Variants in B3GNT2 observed in about 807,000 individuals in gnomAD.
The protein encoded by B3GNT2 is N-acetyllactosaminide beta-1,3-N-acetylglucosaminyltransferase 2.
A neutral mutation model predicts 27.6 loss-of-function variants in B3GNT2; 12 were observed. The ratio of observed to expected loss-of-function variants is 0.44; its 90% CI spans 0.28 to 0.71. The LOEUF is 0.71. Among genes scored for constraint, B3GNT2 ranks in the 30% least tolerant of loss-of-function variants. B3GNT2 has a pLI of 0.17. For missense variants in B3GNT2, 413 were observed against 488.5 expected (o/e 0.85, Z 1.46); for synonymous variants, 192 against 189.7 (o/e 1.01, Z -0.10).
Position 62,222,102 on chromosome 2 carries a change from G to A in B3GNT2, c.-9-110G>A, listed in dbSNP as rs944735338. 6 of 977,356 alleles carry A rather than the reference G, an allele frequency of 6.1e-6. No homozygotes were observed. The Middle Eastern group carries it at 1.2e-3, about 196-fold the overall frequency. 60.5% of individuals were successfully genotyped at this position (977,356 alleles called of 1,614,324 possible). ...AGATTTGAACCTAGGCAGTGCAAGT[G>A]TAGAGTCTTTGCTGTAAACCACTAT... On this transcript the variant is annotated intron_variant, in intron 1 of 1. Transcript: ENST00000301998. This position sits in a 1 kb window ranked among gnomAD's most constrained non-coding sequence, Gnocchi z 4.2.
chr2:62,214,252 G>A (rs1184134639), intron 1 of B3GNT2, among the ~76,000 whole-genome samples: 1 of 152,230 alleles, frequency 6.6e-6, no homozygotes, highest in Admixed American at 6.5e-5. Context: ...CAGGGAGGGT[G>A]TGTCCAGGGG....
chr2:62,222,776 C>T lies in B3GNT2; in HGVS notation c.556C>T (p.Pro186Ser), dbSNP rs1473509764. ...VVRVFLLGQT[P>S]PEDNHPDLSD... is the part of the protein sequence containing the mutation. ...GCGAGTCTTCCTGCTGGGCCAGACACCCCCAGAGGACAACCACCCCGACCT... is the reference window on the plus strand; with the variant it reads ...GCGAGTCTTCCTGCTGGGCCAGACATCCCCAGAGGACAACCACCCCGACCT... The change falls in exon 2 of 2, where the codon CCC becomes TCC. Residue 186 changes from proline (P) to serine (S), a missense_variant. By Grantham distance (74) the Pro-to-Ser change is moderately conservative (BLOSUM62 -1). Transcript: ENST00000301998. The surrounding 1 kb of genome is among the most constrained non-coding windows in gnomAD (Gnocchi z 4.2). The T allele has an allele frequency of 1.2e-6, 2 of 1,614,156 alleles. No homozygotes were observed. Among genetic ancestry groups the T allele is most frequent in the South Asian group, 2.2e-5 (2 of 91,080 alleles).
intron 1 of B3GNT2, among the ~76,000 whole-genome samples, chr2:62,213,528 C>T (rs1006250305): frequency 6.6e-6 from 1 of 152,104 alleles, no homozygotes; most frequent in Admixed American, 6.5e-5. Flanking sequence ...CACCTGGAAG[C>T]ACTGCTCAAT....
In B3GNT2 at chr2:62,223,563, G is replaced by A. The variant is rs1674765805; in HGVS notation, c.*149G>A. On this transcript the variant is annotated 3_prime_UTR_variant, in exon 2 of 2. Transcript: ENST00000301998. ...GAGGGCCTCTAAACCCTTCAATTTG[G>A]TACTCACGTGAAGAGGGAAAGCGGA... 3.0e-6 allele frequency: 2 copies of A among 663,138 alleles called. No homozygotes were observed. The highest frequency in any genetic ancestry group is 2.1e-5 in the South Asian group (1 of 46,874). The allele number at this position is 663,138 out of a possible 1,614,324, so 41.1% of individuals were successfully genotyped here.
At chr2:62,202,675 G>A (rs890506154) in intron 1 of B3GNT2, among the ~76,000 whole-genome samples, 1 of 152,206 alleles carries the variant, frequency 6.6e-6, no homozygotes, top group Non-Finnish European at 1.5e-5. Flanking sequence ...CAGTCCCTGC[G>A]TTCTCTGCTT....
chr2:62,201,740 C>G (rs570149809), intron 1 of B3GNT2, among the ~76,000 whole-genome samples: 16 of 152,266 alleles, frequency 1.1e-4, no homozygotes, highest in Non-Finnish European at 2.1e-4. Flanking sequence ...TCCACCCTCT[C>G]TCACCACTAT....
chr2:62,204,834 A>G (rs931695829), intron 1 of B3GNT2, among the ~76,000 whole-genome samples: 5 of 152,330 alleles, frequency 3.3e-5, no homozygotes, highest in African/African-American at 1.2e-4. Flanking sequence ...GGAAATTTTC[A>G]AACAAGTGCA....
chr2:62,222,595 C>T lies in B3GNT2; in HGVS notation c.375C>T (p.Cys125=), dbSNP rs772113870. The change falls in exon 2 of 2, where the codon TGC becomes TGT. Residue 125 remains cysteine (C), a synonymous_variant. Transcript: ENST00000301998. This position sits in a 1 kb window ranked among gnomAD's most constrained non-coding sequence, Gnocchi z 4.2. ...RFKDFLLYLR[C]RNYSLLIDQP... ...AAGACTTTCTGCTGTATTTGAGATG[C>T]CGCAATTATTCACTGCTTATAGATC... 1 of 1,614,222 alleles carries T rather than the reference C, an allele frequency of 6.2e-7. No homozygotes were observed. The highest frequency in any genetic ancestry group is 8.5e-7 in the Non-Finnish European group (1 of 1,180,044).
At chr2:62,220,533 C>T (rs969225905) in intron 1 of B3GNT2, among the ~76,000 whole-genome samples, 6 of 152,176 alleles carry the variant, frequency 3.9e-5, no homozygotes, top group Non-Finnish European at 8.8e-5. Context: ...AAAATCCTCT[C>T]CTTTCAAAAA....
intron 1 of B3GNT2, among the ~76,000 whole-genome samples, chr2:62,202,601 G>C (rs1019511287): frequency 8.5e-5 from 13 of 152,148 alleles, no homozygotes; most frequent in African/African-American, 2.9e-4. Context: ...TTATGGCCAG[G>C]CTTGCATTGA....
intron 1 of B3GNT2, chr2:62,205,820 G>A (rs576479258): frequency 1.4e-4 from 21 of 154,028 alleles, no homozygotes; most frequent in African/African-American, 5.0e-4. Context: ...CTGAGGGACA[G>A]GCTGCTTAGT....
chr2:62,218,205 C>G (rs1674613320), intron 1 of B3GNT2, among the ~76,000 whole-genome samples: 1 of 152,162 alleles, frequency 6.6e-6, no homozygotes, highest in Non-Finnish European at 1.5e-5. Flanking sequence ...TTATGGGGGT[C>G]ACTGCTTTAT....
At chr2:62,213,231 G>A (rs1055848897) in intron 1 of B3GNT2, among the ~76,000 whole-genome samples, 1 of 152,228 alleles carries the variant, frequency 6.6e-6, no homozygotes, top group Non-Finnish European at 1.5e-5. Context: ...TTGGGCCTGG[G>A]AGGTTGAGGC....
intron 1 of B3GNT2, among the ~76,000 whole-genome samples, chr2:62,205,171 G>C (rs72803363): frequency 6.6e-6 from 1 of 152,214 alleles, no homozygotes; most frequent in Non-Finnish European, 1.5e-5. Context: ...GCAGAGACTC[G>C]TTTAAAACTG....
intron 1 of B3GNT2, among the ~76,000 whole-genome samples, chr2:62,216,493 T>A (rs755002775): frequency 5.9e-5 from 9 of 151,896 alleles, no homozygotes; most frequent in Non-Finnish European, 1.3e-4. Context: ...GCTGCCTGGA[T>A]CTTCTGGGTT....
chr2:62,200,535 A>G (rs1338789181), intron 1 of B3GNT2, among the ~76,000 whole-genome samples: 2 of 152,370 alleles, frequency 1.3e-5, no homozygotes, highest in African/African-American at 2.4e-5. Flanking sequence ...GGTTAAGAGC[A>G]TAAACTTGGA....
At chr2:62,196,682 C>T (rs1242099680) in intron 1 of B3GNT2, among the ~76,000 whole-genome samples, 1 of 152,246 alleles carries the variant, frequency 6.6e-6, no homozygotes, top group Non-Finnish European at 1.5e-5. Context: ...CCACCTCGCC[C>T]TGGAGCCCGG....
chr2:62,208,741 C>G (rs1674426431), intron 1 of B3GNT2, among the ~76,000 whole-genome samples: 1 of 152,180 alleles, frequency 6.6e-6, no homozygotes. Flanking sequence ...TAGATTAGGT[C>G]CTGGTTCCTT....
In B3GNT2 at chr2:62,216,154, T is replaced by C. The variant is rs140842425; in HGVS notation, c.-9-6058T>C. ...TTTCTGGCCAGCAGTTTTGCTTCAG[T>C]GCTACAGGGCTCTCAGAATTGAAGG... is the stretch of plus-strand genomic sequence containing the variant. On this transcript the variant is annotated intron_variant, in intron 1 of 1. Coordinates refer to ENST00000301998, the MANE Select transcript of B3GNT2 (RefSeq NM_006577.6). Among the ~76,000 whole-genome samples, 42 of 152,292 alleles carry C rather than the reference T, an allele frequency of 2.8e-4. No homozygotes were observed. The East Asian group carries it at 7.5e-3, about 27-fold the overall frequency.
Sources: gnomAD v4.1 joint callset for allele counts (sites outside exome capture counted in the v4.1 genomes callset) on GRCh38, gnomAD v4.1.1 for gene constraint, Gnocchi (gnomAD v3.1) non-coding constraint, MANE v1.5 for transcripts, NCBI Gene and HGNC (gene_info 2026-07-23, HGNC 2026-07-21) for gene names.